LRRK2: variants seen among roughly 807,000 people sequenced by gnomAD.
The protein encoded by LRRK2 is leucine-rich repeat serine/threonine-protein kinase 2.
In LRRK2, 203 loss-of-function variants were observed where a neutral mutation model predicts 302.6. The observed-to-expected ratio is 0.67, with a 90% CI of 0.60 to 0.75. LRRK2 has a LOEUF of 0.75. LRRK2 is among the 30% of genes least tolerant of loss of function. The pLI is 0.00. For synonymous variants in LRRK2, 1,066 were observed against 1,031.9 expected, an observed-to-expected ratio of 1.03 and a Z score of -0.63; for missense variants, 2,830 against 2,951.0, an observed-to-expected ratio of 0.96 and a Z score of 0.95.
At chr12:40,333,406 T>C (rs1156793764) in intron 39 of LRRK2, among the ~76,000 whole-genome samples, 2 of 152,142 alleles carry the variant, frequency 1.3e-5, no homozygotes, top group African/African-American at 4.8e-5. Context: ...CAATCACAGT[T>C]TAAAGCATGA....
At chr12:40,320,339 C>T (rs1403732265) in intron 34 of LRRK2, among the ~76,000 whole-genome samples, 164 bp downstream of exon 34, 1 of 152,020 alleles carries the variant, frequency 6.6e-6, no homozygotes, top group African/African-American at 2.4e-5. Context: ...TGGAATAAAA[C>T]ATTGCATCTG....
At chr12:40,315,719 G>A (rs756830307) in intron 33 of LRRK2, among the ~76,000 whole-genome samples, 1 of 152,040 alleles carries the variant, frequency 6.6e-6, no homozygotes, top group East Asian at 1.9e-4. Flanking sequence ...TAAGTGAAAT[G>A]ATCTGAGCTT....
chr12:40,320,816 C>T lies in LRRK2; in HGVS notation c.5016-218C>T, dbSNP rs10748034. Among the ~76,000 whole-genome samples the T allele has an allele frequency of 0.57, 86,087 of 151,674 alleles. 24,543 individuals carry two copies. The highest frequency in any genetic ancestry group is 0.7 in the South Asian group (3,356 of 4,820). On this transcript the variant is annotated intron_variant, in intron 34 of 50. Transcript: ENST00000298910. ...TTATGTATTAGTGCACAGGGATTAC[C>T]GAAAATATTTCATGCATCTACATCT...
At chr12:40,340,263 T>G (rs371625964) in intron 40 of LRRK2, 31 bp from the exon 41 acceptor site, 4 of 1,609,640 alleles carry the variant, frequency 2.5e-6, no homozygotes, top group African/African-American at 1.3e-5. Flanking sequence ...TAATCACATT[T>G]GAATAAGATT....
chr12:40,287,244 GA>G (rs1943962637), intron 19 of LRRK2, 106 bp from the exon 20 acceptor site: 3 of 976,576 alleles, frequency 3.1e-6, no homozygotes, highest in Non-Finnish European at 1.6e-6. Context: ...AGGAAAAATA[GA>G]AATATTCTCC....
In LRRK2 at chr12:40,321,187, A is replaced by G; in HGVS notation, c.5169A>G (p.Arg1723=). The G allele has an allele frequency of 6.2e-7, 1 of 1,611,204 alleles. No homozygotes were observed. Among genetic ancestry groups the G allele is most frequent in the East Asian group, 2.2e-5 (1 of 44,790 alleles). ...LEISPYMLSG[R]ERALRPNRMY... Reference sequence around the variant, plus strand: ...TTTCACCTTACATGCTTTCAGGGAGAGGTAAGTATCTAATGAAGACTTATT... The same window carrying G: ...TTTCACCTTACATGCTTTCAGGGAGGGGTAAGTATCTAATGAAGACTTATT... The change falls in exon 35 of 51, where the codon AGA becomes AGG. Residue 1723 remains arginine (R), a splice_region_variant and synonymous_variant. Coordinates refer to ENST00000298910, the MANE Select transcript of LRRK2 (RefSeq NM_198578.4).
intron 49 of LRRK2, 194 bp from the exon 50 acceptor site, chr12:40,366,812 G>T: frequency 2.0e-6 from 1 of 509,370 alleles, no homozygotes; most frequent in Non-Finnish European, 3.6e-6. Flanking sequence ...AGCAAGGAGT[G>T]GATCACAGAT....
intron 18 of LRRK2, among the ~76,000 whole-genome samples, chr12:40,279,887 A>G (rs1476747251): frequency 6.6e-6 from 1 of 152,222 alleles, no homozygotes; most frequent in African/African-American, 2.4e-5. Context: ...AATCTTGTGG[A>G]TGAGTTTGTC....
Position 40,263,911 on chromosome 12 carries a change from A to G in LRRK2, c.1656+10A>G, listed in dbSNP as rs2136541961. ...AGCAGCTTTGAACAGGGTATGTTGAATATAAGTTTTCTGTATTTATACTAT... is the reference window on the plus strand; with the variant it reads ...AGCAGCTTTGAACAGGGTATGTTGAGTATAAGTTTTCTGTATTTATACTAT... On this transcript the variant is annotated intron_variant, in intron 14 of 50. Transcript: ENST00000298910. 6.4e-7 allele frequency: 1 copy of G among 1,572,222 alleles called. No individual in the cohort carries two copies. The highest frequency in any genetic ancestry group is 1.1e-5 in the South Asian group (1 of 89,828).
chr12:40,330,809 T>C (rs1945691438), intron 39 of LRRK2, among the ~76,000 whole-genome samples: 1 of 152,168 alleles, frequency 6.6e-6, no homozygotes, highest in South Asian at 2.1e-4. Context: ...ATGTTTGAGT[T>C]CCCTCTTCAA....
intron 7 of LRRK2, among the ~76,000 whole-genome samples, chr12:40,244,177 T>G (rs539617746): frequency 2.0e-4 from 30 of 152,284 alleles, no homozygotes; most frequent in African/African-American, 6.5e-4. Context: ...GAATTTTGTG[T>G]TTACAAATCT....
intron 11 of LRRK2, among the ~76,000 whole-genome samples, chr12:40,255,201 C>T (rs1000234623): frequency 1.3e-5 from 2 of 151,926 alleles, no homozygotes; most frequent in African/African-American, 4.8e-5. Flanking sequence ...ATAAGATTAA[C>T]TAAAATATGT....
At position 40,225,649 on chromosome 12, in the gene LRRK2, A is replaced by G. The variant is rs1940835505; in HGVS notation, c.237+9A>G. 1 of 1,607,558 alleles carries G rather than the reference A, an allele frequency of 6.2e-7. No homozygotes were observed. Among genetic ancestry groups the G allele is most frequent in the Non-Finnish European group, 8.5e-7 (1 of 1,174,292 alleles). ...TCGCGAGTGTGCAGCAGGTAAAGGC[A>G]TTGTTTTCACTTCAACTCATTCTCC... On this transcript the variant is annotated intron_variant, in intron 2 of 50. Coordinates refer to ENST00000298910, the MANE Select transcript of LRRK2 (RefSeq NM_198578.4).
intron 14 of LRRK2, among the ~76,000 whole-genome samples, chr12:40,268,718 G>T (rs936160549): frequency 2.0e-5 from 3 of 152,002 alleles, no homozygotes; most frequent in Non-Finnish European, 4.4e-5. Context: ...GATTCATATG[G>T]CCTAACTCCA....
chr12:40,257,367 T>C lies in LRRK2; in HGVS notation c.1408T>C (p.Phe470Leu). ...TGGCTGTAAAATGCTAAATCATCTT[T>C]TTGAAGGAAGGTAATATAGATTCAT... ...ESGCKMLNHL[F>L]EGSNTSLDIM... is the part of the protein sequence containing the mutation. Residue 470 changes from phenylalanine (F) to leucine (L), a missense_variant, in exon 12 of 51, where the codon TTT becomes CTT. Phe to Leu is a conservative substitution (Grantham distance 22). Around this residue, in one of 3 missense-constraint regions of LRRK2, gnomAD observed 2,121 missense variants for 2,148.0 expected, o/e 0.99. Coordinates refer to ENST00000298910, the MANE Select transcript of LRRK2 (RefSeq NM_198578.4). The C allele has an allele frequency of 6.2e-7, 1 of 1,612,710 alleles. No homozygotes were observed. Among genetic ancestry groups the C allele is most frequent in the Non-Finnish European group, 8.5e-7 (1 of 1,179,096 alleles).
chr12:40,284,490 T>C (rs1943841121), intron 19 of LRRK2, among the ~76,000 whole-genome samples: 1 of 152,022 alleles, frequency 6.6e-6, no homozygotes, highest in South Asian at 2.1e-4. Flanking sequence ...AAGTAATTAA[T>C]ATGGATATTT....
chr12:40,309,771 A>C (rs896192749), intron 30 of LRRK2, among the ~76,000 whole-genome samples: 4 of 152,062 alleles, frequency 2.6e-5, no homozygotes, highest in African/African-American at 9.7e-5. Flanking sequence ...TAGAATGGAG[A>C]CTAAACTGCT....
intron 41 of LRRK2, among the ~76,000 whole-genome samples, chr12:40,345,523 T>C (rs1170597362): frequency 1.4e-5 from 2 of 144,028 alleles, no homozygotes; most frequent in Non-Finnish European, 3.0e-5. Context: ...CTCGGGAGGC[T>C]GAGGCAGGAG....
chr12:40,298,396 A>C lies in LRRK2; in HGVS notation c.3250A>C (p.Thr1084Pro). 2 of 1,613,680 alleles carry C rather than the reference A, an allele frequency of 1.2e-6. No homozygotes were observed. Among genetic ancestry groups the C allele is most frequent in the Non-Finnish European group, 1.7e-6 (2 of 1,179,934 alleles). Residue 1084 changes from threonine (T) to proline (P), a missense_variant, in exon 24 of 51, where the codon ACT (threonine) becomes CCT (proline). Thr to Pro is a conservative substitution (Grantham distance 38). Transcript: ENST00000298910. ...TTTAGATCCTACAGTGAAATGTCCAACTCTGAAACAGTTTAACCTGTCATA... is the reference window on the plus strand; with the variant it reads ...TTTAGATCCTACAGTGAAATGTCCACCTCTGAAACAGTTTAACCTGTCATA... Reference protein sequence around the residue: ...VVLDPTVKCPTLKQFNLSYNQ... With the variant: ...VVLDPTVKCPPLKQFNLSYNQ...
Sources: allele counts gnomAD v4.1 joint callset (sites outside exome capture counted in the v4.1 genomes callset), GRCh38; gene constraint gnomAD v4.1.1; regional missense constraint gnomAD v4.1.1; transcripts MANE v1.5; gene names NCBI Gene and HGNC (gene_info 2026-07-23, HGNC 2026-07-21).